UGT1A10: variants seen among roughly 807,000 people sequenced by gnomAD.
UGT1A10 encodes the protein UDP glucuronosyltransferase family 1 member A10.
In UGT1A10, 49 loss-of-function variants were observed where a neutral mutation model predicts 45.8. The ratio of observed to expected loss-of-function variants is 1.07; its 90% CI spans 0.85 to 1.36. The LOEUF (loss-of-function observed/expected upper bound fraction) is 1.36, where lower values mean the gene tolerates loss of function less well. UGT1A10 is among the 40% of genes most tolerant of loss of function. The pLI is 0.00. For synonymous variants in UGT1A10, 284 were observed against 249.7 expected, an observed-to-expected ratio of 1.14 and a Z score of -1.29; for missense variants, 745 against 668.6, an observed-to-expected ratio of 1.11 and a Z score of -1.26.
At chr2:233,737,571 C>T (rs1014151357) in intron 1 of UGT1A10, among the ~76,000 whole-genome samples, 3 of 152,196 alleles carry the variant, frequency 2.0e-5, no homozygotes, top group African/African-American at 7.2e-5. Flanking sequence ...CACCCACTAT[C>T]CAACCAGTCC....
In UGT1A10 at chr2:233,725,300, A is replaced by G. The variant is rs956221010; in HGVS notation, c.856-41734A>G. The stretch of plus-strand genomic sequence containing the variant: ...CAGAGGCAGAGGCAGAGGCAGAGGC[A>G]GAGGCAGAGGCAGAGGCGCCTGGTC... On this transcript the variant is annotated intron_variant, in intron 1 of 4. Transcript: ENST00000344644. 9.4e-5 allele frequency among the ~76,000 whole-genome samples: 7 copies of G among 74,572 alleles called. 1 individual carries two copies. In the East Asian group the frequency reaches 1.7e-3, roughly 18 times the overall value. The allele number at this position is 74,572 out of a possible 152,430, so 48.9% of individuals were successfully genotyped here.
intron 1 of UGT1A10, among the ~76,000 whole-genome samples, chr2:233,750,204 T>G: frequency 6.6e-6 from 1 of 151,878 alleles, no homozygotes; most frequent in East Asian, 1.9e-4. Context: ...AAGTCCAGGC[T>G]GAGTCTCAGA....
chr2:233,759,167 C>A (rs1180599090), intron 1 of UGT1A10, among the ~76,000 whole-genome samples: 1 of 152,178 alleles, frequency 6.6e-6, no homozygotes, highest in African/African-American at 2.4e-5. Context: ...ACAAGGCAGG[C>A]AGGTTTCACG....
chr2:233,712,814 C>T (rs1173541748), intron 1 of UGT1A10, among the ~76,000 whole-genome samples: 1 of 152,162 alleles, frequency 6.6e-6, no homozygotes, highest in Non-Finnish European at 1.5e-5. Flanking sequence ...CAGGGTGGGG[C>T]CCATAATGCA....
intron 1 of UGT1A10, among the ~76,000 whole-genome samples, chr2:233,661,593 C>A (rs767314541): frequency 6.7e-6 from 1 of 149,408 alleles, no homozygotes; most frequent in African/African-American, 2.5e-5. Context: ...TTGAAGCCTG[C>A]TGGCATCACT....
At chr2:233,656,249 A>G (rs1174066443) in intron 1 of UGT1A10, among the ~76,000 whole-genome samples, 2 of 152,212 alleles carry the variant, frequency 1.3e-5, no homozygotes, top group African/African-American at 2.4e-5. Flanking sequence ...ATTAGGCCCT[A>G]TACATCAAAA....
intron 1 of UGT1A10, among the ~76,000 whole-genome samples, chr2:233,647,164 C>G (rs2073626962): frequency 6.6e-6 from 1 of 152,314 alleles, no homozygotes; most frequent in Admixed American, 6.5e-5. Flanking sequence ...ACGGGAAACG[C>G]CCAGCCCCAT....
chr2:233,743,620 G>A (rs1195950260), intron 1 of UGT1A10: 2 of 1,367,320 alleles, frequency 1.5e-6, no homozygotes, highest in Non-Finnish European at 2.0e-6. Flanking sequence ...ACTCCCTGAA[G>A]ACGTCGGCTG....
At chr2:233,743,407 C>T in intron 1 of UGT1A10, 1 of 1,313,416 alleles carries the variant, frequency 7.6e-7, no homozygotes, top group Non-Finnish European at 1.0e-6. Flanking sequence ...AGAAAGGCCC[C>T]CACTTCCCAG....
chr2:233,748,523 T>TA (rs988670455), intron 1 of UGT1A10, among the ~76,000 whole-genome samples: 2 of 151,784 alleles, frequency 1.3e-5, no homozygotes, highest in Admixed American at 6.5e-5. Flanking sequence ...TTGCGAATGA[T>TA]AGAGAGGTGA....
intron 1 of UGT1A10, chr2:233,672,036 T>C (rs1575415485): frequency 1.2e-6 from 2 of 1,614,016 alleles, no homozygotes; most frequent in African/African-American, 2.7e-5. Context: ...TGCCCATGGA[T>C]GGGAGCCACT....
chr2:233,762,669 A>T (rs1575790989), intron 1 of UGT1A10, among the ~76,000 whole-genome samples: 1 of 150,304 alleles, frequency 6.7e-6, no homozygotes, highest in Non-Finnish European at 1.5e-5. Flanking sequence ...TTTAAAAAAC[A>T]TTTGTTCTGT....
chr2:233,700,584 A>G (rs938038590), intron 1 of UGT1A10, among the ~76,000 whole-genome samples: 1 of 152,218 alleles, frequency 6.6e-6, no homozygotes, highest in Non-Finnish European at 1.5e-5. Flanking sequence ...GATGCAATTT[A>G]TTATGATACA....
chr2:233,742,496 A>G (rs376180640), intron 1 of UGT1A10, among the ~76,000 whole-genome samples: 4 of 151,946 alleles, frequency 2.6e-5, no homozygotes, highest in Admixed American at 1.3e-4. Context: ...CATAGGCATC[A>G]TGGCTATCAT....
chr2:233,738,895 GCAGA>G (rs1690931559), intron 1 of UGT1A10: 1 of 152,264 alleles, frequency 6.6e-6, no homozygotes, highest in Admixed American at 6.5e-5. Context: ...GACCTTTGCA[GCAGA>G]CCCTCCCATC....
chr2:233,741,944 G>C (rs570984186), intron 1 of UGT1A10: 2 of 152,018 alleles, frequency 1.3e-5, no homozygotes, highest in African/African-American at 4.8e-5. Context: ...TGTGCCAACA[G>C]AAAGGTACTT....
chr2:233,715,952 G>A (rs1392770925), intron 1 of UGT1A10, among the ~76,000 whole-genome samples: 1 of 152,134 alleles, frequency 6.6e-6, no homozygotes, highest in Admixed American at 6.5e-5. Flanking sequence ...TTTGTTGACT[G>A]ACTGACTGAT....
intron 1 of UGT1A10, chr2:233,755,349 T>G (rs1322170401): frequency 5.0e-6 from 2 of 396,484 alleles, no homozygotes; most frequent in Admixed American, 3.8e-5. Flanking sequence ...GTCAGAGGCT[T>G]GGCGACCTGG....
intron 1 of UGT1A10, among the ~76,000 whole-genome samples, chr2:233,736,405 A>G (rs1182654353): frequency 4.6e-5 from 7 of 152,208 alleles, no homozygotes; most frequent in Non-Finnish European, 1.0e-4. Context: ...CTAGTTAGGC[A>G]TTCATCTAAC....
Sources: gnomAD v4.1 joint callset for allele counts (sites outside exome capture counted in the v4.1 genomes callset) on GRCh38, gnomAD v4.1.1 for gene constraint, MANE v1.5 for transcripts, NCBI Gene and HGNC (gene_info 2026-07-23, HGNC 2026-07-21) for gene names.